TBC1D26: variants seen among roughly 807,000 people sequenced by gnomAD.
The protein encoded by TBC1D26 is TBC1 domain family, member 26.
A neutral mutation model predicts 42.5 loss-of-function variants in TBC1D26; 19 were observed. That is an observed-to-expected ratio of 0.45 (90% confidence interval 0.31 to 0.66). TBC1D26 has a LOEUF of 0.66. Ranked by LOEUF, TBC1D26 falls within the 30% of genes least tolerant of loss-of-function variation. TBC1D26 has a pLI of 0.06. For synonymous variants in TBC1D26, 97 were observed against 123.5 expected (o/e 0.79, Z 1.42); for missense variants, 228 against 332.6 (o/e 0.69, Z 2.45).
At chr17:15,739,738 C>T (rs1223387305) in intron 8 of TBC1D26, among the ~76,000 whole-genome samples, 30 of 152,388 alleles carry the variant, frequency 2.0e-4, no homozygotes, top group African/African-American at 6.5e-4. Flanking sequence ...ATGAAGGAGC[C>T]GCTCTGGGAG....
At chr17:15,741,076 A>C (rs1417767179) in intron 9 of TBC1D26, 46 bp from the exon 10 acceptor site, 2 of 1,601,030 alleles carry the variant, frequency 1.2e-6, no homozygotes, top group African/African-American at 1.3e-5. Flanking sequence ...AGGTGGCCTC[A>C]GTCCTCCTAG....
At chr17:15,741,771 C>T in intron 10 of TBC1D26, 171 bp from the exon 11 acceptor site, 1 of 625,388 alleles carries the variant, frequency 1.6e-6, no homozygotes, top group Non-Finnish European at 2.8e-6. Flanking sequence ...CTAGGCAGTG[C>T]CTCCAGCCAG....
At chr17:15,738,137 C>A in intron 6 of TBC1D26, 60 bp downstream of exon 6, 1 of 1,613,204 alleles carries the variant, frequency 6.2e-7, no homozygotes. Flanking sequence ...AGACAGGCAC[C>A]CATGGTTGTG....
chr17:15,736,968 G>C (rs1256693678), intron 4 of TBC1D26, among the ~76,000 whole-genome samples: 1 of 152,164 alleles, frequency 6.6e-6, no homozygotes, highest in African/African-American at 2.4e-5. Flanking sequence ...GGGAGAGGCA[G>C]GTGCACGCTG....
chr17:15,736,251 G>A (rs1967610407), intron 4 of TBC1D26, among the ~76,000 whole-genome samples: 1 of 152,268 alleles, frequency 6.6e-6, no homozygotes, highest in Admixed American at 6.5e-5. Flanking sequence ...AGTGGTGCAG[G>A]GAAGGGACCT....
At chr17:15,738,245 T>C (rs766125664) in intron 6 of TBC1D26, 35 bp from the exon 7 acceptor site, 18 of 1,613,122 alleles carry the variant, frequency 1.1e-5, no homozygotes, top group Middle Eastern at 1.6e-4. Context: ...GGTCGCCCCA[T>C]GTCCTTTCTC....
chr17:15,733,226 C>T (rs1205045456), intron 1 of TBC1D26, among the ~76,000 whole-genome samples: 3 of 151,674 alleles, frequency 2.0e-5, no homozygotes, highest in South Asian at 2.1e-4. Context: ...AAAGCCTGGC[C>T]GGCAGGGGTC....
In TBC1D26 at chr17:15,744,226, ACT is replaced by A. The variant is rs1021588935; in HGVS notation, c.1058-13_1058-12del. Reference sequence around the variant, plus strand: ...ATTATAGTATTTCTTTCCATTTGTGACTCTCCAATCACGCAGGGAGCTTGCTA... The same window carrying A: ...ATTATAGTATTTCTTTCCATTTGTGACTCCAATCACGCAGGGAGCTTGCTA... On this transcript the variant is annotated splice_polypyrimidine_tract_variant and intron_variant, in intron 14 of 14. Coordinates refer to ENST00000437605, the MANE Select transcript of TBC1D26 (RefSeq NM_001388465.1). The A allele has an allele frequency of 6.6e-6, 1 of 152,054 alleles. No homozygotes were observed. Among genetic ancestry groups the A allele is most frequent in the African/African-American group, 2.4e-5 (1 of 41,386 alleles). 9.4% of individuals were successfully genotyped at this position (152,054 alleles called of 1,614,324 possible).
chr17:15,739,851 A>G (rs1370360167), intron 8 of TBC1D26, among the ~76,000 whole-genome samples: 313 of 151,084 alleles, frequency 2.1e-3, no homozygotes, highest in African/African-American at 7.3e-3. Context: ...GAAAAAGGGG[A>G]AGAAAAAATC....
At chr17:15,738,657 G>A (rs1262522571) in intron 7 of TBC1D26, 64 bp from the exon 8 acceptor site, 41 of 1,611,370 alleles carry the variant, frequency 2.5e-5, no homozygotes, top group African/African-American at 2.7e-5. Context: ...GATGACTGCC[G>A]TTTGGGGCAG....
At chr17:15,736,173 C>G (rs1377023728) in intron 4 of TBC1D26, among the ~76,000 whole-genome samples, 4 of 152,214 alleles carry the variant, frequency 2.6e-5, no homozygotes, top group Non-Finnish European at 5.9e-5. Context: ...GGAAGAAGGG[C>G]AGGGCCCTGG....
intron 10 of TBC1D26, chr17:15,741,680 C>T (rs1391619364): frequency 3.7e-6 from 2 of 535,126 alleles, no homozygotes; most frequent in South Asian, 4.8e-5. Context: ...GCCCCCAGCT[C>T]CCACCCTGTT....
chr17:15,741,288 A>G, intron 10 of TBC1D26, 67 bp downstream of exon 10: 1 of 1,607,270 alleles, frequency 6.2e-7, no homozygotes, highest in Non-Finnish European at 8.5e-7. Context: ...ATGCCAGGGG[A>G]CAGCCACCCT....
At chr17:15,734,542 C>T (rs1313618025) in intron 1 of TBC1D26, among the ~76,000 whole-genome samples, 1 of 151,918 alleles carries the variant, frequency 6.6e-6, no homozygotes, top group Non-Finnish European at 1.5e-5. Flanking sequence ...GTCAAAGAGC[C>T]TTGGGGACTG....
At chr17:15,736,794 G>T (rs1487430353) in intron 4 of TBC1D26, among the ~76,000 whole-genome samples, 19 of 152,410 alleles carry the variant, frequency 1.2e-4, no homozygotes, top group African/African-American at 4.1e-4. Flanking sequence ...CAGTCAGAGA[G>T]TGGCCAAGGC....
In TBC1D26 at chr17:15,737,574, G is replaced by A. The variant is rs193125335; in HGVS notation, c.198+51G>A. 137 of 1,606,726 alleles carry A rather than the reference G, an allele frequency of 8.5e-5. No individual in the cohort carries two copies. The East Asian group carries it at 2.5e-3, about 30-fold the overall frequency. Reference sequence around the variant, plus strand: ...GAGGCTGCTTCAGGGACTGGGAATCGGGTGGTCGGTAAGGCAGAGGGGGTG... The same window carrying A: ...GAGGCTGCTTCAGGGACTGGGAATCAGGTGGTCGGTAAGGCAGAGGGGGTG... On this transcript the variant is annotated intron_variant, in intron 5 of 14. Coordinates refer to ENST00000437605, the MANE Select transcript of TBC1D26 (RefSeq NM_001388465.1).
At chr17:15,736,241 A>G (rs1434673640) in intron 4 of TBC1D26, among the ~76,000 whole-genome samples, 1 of 152,214 alleles carries the variant, frequency 6.6e-6, no homozygotes, top group East Asian at 1.9e-4. Context: ...AGGCCCCGGG[A>G]GTGGTGCAGG....
chr17:15,744,203 T>G (rs1032156227), intron 14 of TBC1D26, 40 bp from the exon 15 acceptor site: 2 of 152,122 alleles, frequency 1.3e-5, no homozygotes, highest in South Asian at 4.1e-4. Context: ...CTCCACTGAT[T>G]ATAGTATTTC....
At chr17:15,733,926 G>A (rs973809428) in intron 1 of TBC1D26, 1 of 152,296 alleles carries the variant, frequency 6.6e-6, no homozygotes, top group African/African-American at 2.4e-5. Context: ...ACAGCAGCCT[G>A]AGCAGACTCA....
Sources: gnomAD v4.1 joint callset for allele counts (sites outside exome capture counted in the v4.1 genomes callset) on GRCh38, gnomAD v4.1.1 for gene constraint, MANE v1.5 for transcripts, NCBI Gene and HGNC (gene_info 2026-07-23, HGNC 2026-07-21) for gene names.